The following RIMS2 variants were observed in gnomAD, a reference collection of about 807,000 sequenced individuals.
The protein encoded by RIMS2 is regulating synaptic membrane exocytosis protein 2.
A neutral mutation model predicts 174.4 loss-of-function variants in RIMS2; 59 were observed. The ratio of observed to expected loss-of-function variants is 0.34; its 90% confidence interval spans 0.27 to 0.42. The LOEUF is 0.42. Among genes scored for constraint, RIMS2 ranks in the 10% least tolerant of loss-of-function variants. RIMS2 has a pLI of 1.00. For missense variants in RIMS2, 1,620 were observed against 1,666.3 expected (o/e 0.97, Z 0.48); for synonymous variants, 606 against 572.5 (o/e 1.06, Z -0.84).
chr8:103,559,457 G>C (rs1251576621), intron 1 of RIMS2: 2 of 331,488 alleles, frequency 6.0e-6, no homozygotes, highest in Non-Finnish European at 1.1e-5. Context: ...GGACTCTGGT[G>C]ATCAAGCTGC....
At chr8:103,508,786 A>G (rs959940007) in intron 1 of RIMS2, among the ~76,000 whole-genome samples, 4 of 152,100 alleles carry the variant, frequency 2.6e-5, no homozygotes, top group African/African-American at 9.7e-5. Context: ...AATGATGAAG[A>G]CATGAAATAA....
At chr8:103,737,168 CTTTGTTCTTTTTTTTTTT>C (rs1178425125) in intron 2 of RIMS2, among the ~76,000 whole-genome samples, 3 of 113,884 alleles carry the variant, frequency 2.6e-5, no homozygotes, top group Admixed American at 1.8e-4. Flanking sequence ...TTTTCTTTTT[CTTTGTTCTTTTTTTTTTT>C]TTTTTTTTTT....
chr8:103,985,499 AAAAAG>A (rs2094290112), intron 16 of RIMS2, among the ~76,000 whole-genome samples: 3 of 150,214 alleles, frequency 2.0e-5, no homozygotes, highest in Admixed American at 1.3e-4. Context: ...AAAAAAAAAA[AAAAAG>A]AGTATAATTG....
chr8:104,095,157 A>T (rs969763593), intron 19 of RIMS2, among the ~76,000 whole-genome samples: 1 of 152,190 alleles, frequency 6.6e-6, no homozygotes, highest in African/African-American at 2.4e-5. Flanking sequence ...TGGCTGAAAA[A>T]AATTGAGCTT....
intron 16 of RIMS2, among the ~76,000 whole-genome samples, chr8:103,978,633 A>G (rs961734917): frequency 2.0e-5 from 3 of 152,248 alleles, no homozygotes; most frequent in South Asian, 2.1e-4. Context: ...ACTAATAAAA[A>G]TACCTGGGTA....
At chr8:104,136,367 G>A (rs1478191825) in intron 19 of RIMS2, among the ~76,000 whole-genome samples, 4 of 152,040 alleles carry the variant, frequency 2.6e-5, no homozygotes, top group Non-Finnish European at 2.9e-5. Context: ...GATAATCTAA[G>A]GAATAAAGGG....
chr8:103,925,252 C>T (rs1050574334), intron 10 of RIMS2, among the ~76,000 whole-genome samples: 1 of 151,426 alleles, frequency 6.6e-6, no homozygotes, highest in Non-Finnish European at 1.5e-5. Context: ...GGTTGATTTA[C>T]GGTTGCAGTG....
intron 3 of RIMS2, among the ~76,000 whole-genome samples, chr8:103,812,564 TAGAGGCG>T (rs2098695563): frequency 6.6e-6 from 1 of 152,088 alleles, no homozygotes; most frequent in Non-Finnish European, 1.5e-5. Flanking sequence ...GTATTTTTAG[TAGAGGCG>T]AGGTTTCATC....
At chr8:103,505,316 T>C (rs1822930602) in intron 1 of RIMS2, among the ~76,000 whole-genome samples, 1 of 152,184 alleles carries the variant, frequency 6.6e-6, no homozygotes, top group Admixed American at 6.5e-5. Flanking sequence ...TGCTCATACA[T>C]GTATGTATGG....
chr8:103,670,755 A>G (rs1184870673), intron 1 of RIMS2, among the ~76,000 whole-genome samples: 1 of 152,192 alleles, frequency 6.6e-6, no homozygotes, highest in Non-Finnish European at 1.5e-5. Flanking sequence ...TTCATTGTCT[A>G]TATCATTATC....
chr8:104,090,078 T>TAC (rs1555215778), intron 19 of RIMS2, among the ~76,000 whole-genome samples: 191 of 150,588 alleles, frequency 1.3e-3, no homozygotes, highest in Non-Finnish European at 2.4e-3. Flanking sequence ...TATATATATA[T>TAC]ACACACACAC....
chr8:103,822,534 G>A (rs1041725605), intron 3 of RIMS2, among the ~76,000 whole-genome samples: 1 of 151,688 alleles, frequency 6.6e-6, no homozygotes, highest in Non-Finnish European at 1.5e-5. Context: ...AAATATTTTA[G>A]ACTAACTTTT....
In RIMS2 at chr8:103,685,401, A is replaced by G. The variant is rs1468671404; in HGVS notation, c.177-11685A>G. ...CTGTGAACTAGCAGAGCAAGAACTCACTCTATTAGCATGAGGAGAGCACCA... is the reference window on the plus strand; with the variant it reads ...CTGTGAACTAGCAGAGCAAGAACTCGCTCTATTAGCATGAGGAGAGCACCA... On this transcript the variant is annotated intron_variant, in intron 1 of 23. Coordinates refer to ENST00000504942, the Ensembl canonical transcript of RIMS2. Among the ~76,000 whole-genome samples the G allele has an allele frequency of 7.0e-4, 106 of 152,108 alleles. 1 individual carries two copies. The highest frequency in any genetic ancestry group is 2.9e-5 in the Non-Finnish European group (2 of 67,970).
At chr8:103,789,737 A>G (rs1393307307) in intron 3 of RIMS2, among the ~76,000 whole-genome samples, 1 of 139,166 alleles carries the variant, frequency 7.2e-6, no homozygotes, top group African/African-American at 2.7e-5. Flanking sequence ...ATATATTATG[A>G]TGGATTGTAC....
rs1354167855 is a variant in RIMS2 at position 104,034,696 on chromosome 8, C to T, written c.3334+20081C>T. Among the ~76,000 whole-genome samples the T allele has an allele frequency of 1.3e-5, 2 of 151,914 alleles. 1 individual carries two copies. Among genetic ancestry groups the T allele is most frequent in the Non-Finnish European group, 2.9e-5 (2 of 67,988 alleles). ...TGTTGGCCAGGATGGTCTCAAACTC[C>T]TGAACTCAGGTGATCCACCCACCTC... is the stretch of plus-strand genomic sequence containing the variant. On this transcript the variant is annotated intron_variant, in intron 19 of 23. Coordinates refer to ENST00000504942, the Ensembl canonical transcript of RIMS2.
chr8:103,524,183 A>T (rs1832931244), intron 1 of RIMS2, among the ~76,000 whole-genome samples: 1 of 152,126 alleles, frequency 6.6e-6, no homozygotes, highest in African/African-American at 2.4e-5. Flanking sequence ...ACATAACGAC[A>T]TAGGTGTCAT....
At chr8:104,202,370 C>A (rs2099059432) in intron 19 of RIMS2, among the ~76,000 whole-genome samples, 1 of 152,146 alleles carries the variant, frequency 6.6e-6, no homozygotes, top group South Asian at 2.1e-4. Context: ...TAGAATAGAT[C>A]TAAATAATCC....
chr8:104,025,930 A>G (rs903093391), intron 19 of RIMS2, among the ~76,000 whole-genome samples: 1 of 152,214 alleles, frequency 6.6e-6, no homozygotes, highest in Non-Finnish European at 1.5e-5. Flanking sequence ...GTCTAGGAGC[A>G]ATAAGCTATA....
chr8:103,911,941 T>A, intron 5 of RIMS2, 112 bp from the exon 9 acceptor site: 1 of 751,248 alleles, frequency 1.3e-6, no homozygotes, highest in Non-Finnish European at 2.0e-6. Context: ...AACACTGAAA[T>A]TCTGAAGTTT....
Sources: allele counts gnomAD v4.1 joint callset (sites outside exome capture counted in the v4.1 genomes callset), GRCh38; gene constraint gnomAD v4.1.1; transcripts MANE v1.5; gene names NCBI Gene and HGNC (gene_info 2026-07-23, HGNC 2026-07-21).